Variants in MAEL observed in about 807,000 individuals in gnomAD.
MAEL encodes protein maelstrom homolog.
A neutral mutation model predicts 62.0 loss-of-function variants in MAEL; 46 were observed. The observed-to-expected ratio is 0.74, with a 90% CI of 0.59 to 0.95. The LOEUF (loss-of-function observed/expected upper bound fraction) is 0.95. MAEL is among the 40% of genes least tolerant of loss of function. The probability of loss-of-function intolerance (pLI) is 0.00; values close to 1 mark genes in which losing one functional copy is unlikely to be tolerated. For synonymous variants in MAEL, 172 were observed against 175.5 expected (o/e 0.98, Z 0.16); for missense variants, 497 against 526.8 (o/e 0.94, Z 0.55).
intron 8 of MAEL, among the ~76,000 whole-genome samples, chr1:167,014,604 G>C (rs1665302410): frequency 6.6e-6 from 1 of 152,156 alleles, no homozygotes; most frequent in Non-Finnish European, 1.5e-5. Flanking sequence ...TTTAAAAACT[G>C]TTAACTAATA....
At chr1:167,011,397 A>G (rs1665167927) in intron 8 of MAEL, among the ~76,000 whole-genome samples, 1 of 152,130 alleles carries the variant, frequency 6.6e-6, no homozygotes, top group South Asian at 2.1e-4. Flanking sequence ...TGATGTGTTA[A>G]GATATTTGGA....
intron 8 of MAEL, among the ~76,000 whole-genome samples, chr1:167,015,367 T>G (rs952928061): frequency 6.6e-6 from 1 of 152,312 alleles, no homozygotes; most frequent in East Asian, 1.9e-4. Context: ...TTAAGTAGTC[T>G]TCCATTCATC....
chr1:166,995,169 ATTTG>A (rs1664367855), intron 5 of MAEL, among the ~76,000 whole-genome samples: 1 of 151,910 alleles, frequency 6.6e-6, no homozygotes, highest in Non-Finnish European at 1.5e-5. Context: ...CTAATTCTTT[ATTTG>A]TTTGACTGGA....
chr1:166,984,506 T>C (rs1237667425), upstream of MAEL, among the ~76,000 whole-genome samples: 2 of 152,146 alleles, frequency 1.3e-5, no homozygotes, highest in African/African-American at 2.4e-5. Flanking sequence ...TTTTGAAATA[T>C]GTTGTACACA....
chr1:166,991,542 T>C, intron 3 of MAEL, 65 bp downstream of exon 3: 2 of 946,772 alleles, frequency 2.1e-6, no homozygotes, highest in East Asian at 4.8e-5. Context: ...TATTTGTCAG[T>C]AAAAATATTT....
chr1:166,998,487 C>G lies in MAEL; in HGVS notation c.523+4418C>G, dbSNP rs143168670. 3.1e-3 allele frequency among the ~76,000 whole-genome samples: 465 copies of G among 152,240 alleles called. 3 individuals carry two copies. Among genetic ancestry groups the G allele is most frequent in the African/African-American group, 0.011 (437 of 41,556 alleles). ...TTTTTAGCAGATTACTTAATCATAT[C>G]TGTTAAATCACTTTGTTCTTTCTAA... is the stretch of plus-strand genomic sequence containing the variant. On this transcript the variant is annotated intron_variant, in intron 5 of 11. Transcript: ENST00000367872.
At chr1:167,010,337 A>C (rs1665114783) in intron 8 of MAEL, among the ~76,000 whole-genome samples, 1 of 152,136 alleles carries the variant, frequency 6.6e-6, no homozygotes, top group Non-Finnish European at 1.5e-5. Flanking sequence ...GTGAGAACAG[A>C]CTAATACAGT....
intron 10 of MAEL, 82 bp downstream of exon 10, chr1:167,018,041 A>T: frequency 7.2e-7 from 1 of 1,396,238 alleles, no homozygotes; most frequent in East Asian, 2.4e-5. Flanking sequence ...ACAAAAGATC[A>T]GCCTTTGTTT....
chr1:166,987,157 C>A (rs900633224), upstream of MAEL, among the ~76,000 whole-genome samples: 8 of 152,084 alleles, frequency 5.3e-5, no homozygotes, highest in African/African-American at 1.9e-4. Flanking sequence ...TTTCTGACAA[C>A]CCAGAAGGTT....
intron 5 of MAEL, among the ~76,000 whole-genome samples, chr1:166,995,742 C>T (rs1165990723): frequency 6.6e-6 from 1 of 151,814 alleles, no homozygotes; most frequent in African/African-American, 2.4e-5. Context: ...TTTACTTAGA[C>T]TCTGTTTCAG....
At chr1:167,018,625 ATGT>A (rs1272650693) in intron 10 of MAEL, among the ~76,000 whole-genome samples, 7 of 152,208 alleles carry the variant, frequency 4.6e-5, no homozygotes, top group Non-Finnish European at 1.0e-4. Flanking sequence ...TAGATAATAA[ATGT>A]TGTTATTTTA....
rs140976712 is a variant in MAEL, at chr1:167,017,927, A to G, written c.1009A>G (p.Lys337Glu). 3.1e-6 allele frequency: 5 copies of G among 1,613,146 alleles called. No individual in the cohort carries two copies. The highest frequency in any genetic ancestry group is 4.2e-6 in the Non-Finnish European group (5 of 1,179,478). ...DYEASNSVTP[K>E]MVVLDAGRYQ... The stretch of plus-strand genomic sequence containing the variant: ...TGAGGCCAGCAATAGTGTGACACCC[A>G]AAATGGTTGTATTGGATGCAGGGCG... The change falls in exon 10 of 12, where the codon AAA becomes GAA. Residue 337 changes from lysine (K) to glutamate (E), a missense_variant. Lys to Glu is a moderately conservative substitution (Grantham distance 56). Transcript: ENST00000367872.
intron 5 of MAEL, among the ~76,000 whole-genome samples, chr1:167,002,488 A>G (rs1411753491): frequency 6.6e-6 from 1 of 152,186 alleles, no homozygotes; most frequent in African/African-American, 2.4e-5. Context: ...TCATATGTCT[A>G]GTTATTTTCG....
intron 1 of MAEL, among the ~76,000 whole-genome samples, chr1:166,977,861 G>A (rs1571228992): frequency 6.6e-6 from 1 of 152,322 alleles, no homozygotes; most frequent in Admixed American, 6.5e-5. Flanking sequence ...TAAGATGGGA[G>A]GACCACTTGA....
intron 1 of MAEL, among the ~76,000 whole-genome samples, chr1:166,977,570 G>T (rs754041099): frequency 2.0e-5 from 3 of 152,198 alleles, no homozygotes; most frequent in Non-Finnish European, 2.9e-5. Context: ...TGATATATTT[G>T]TATTATGCTG....
upstream of MAEL, among the ~76,000 whole-genome samples, chr1:166,988,144 T>C (rs1056061280): frequency 2.0e-5 from 3 of 151,802 alleles, no homozygotes; most frequent in Non-Finnish European, 2.9e-5. Context: ...AGCCCAGAAG[T>C]GTGAGACCAG....
intron 5 of MAEL, among the ~76,000 whole-genome samples, chr1:167,002,741 TCA>T (rs1476416357): frequency 6.6e-6 from 1 of 152,198 alleles, no homozygotes; most frequent in African/African-American, 2.4e-5. Flanking sequence ...ACAGTTGACT[TCA>T]CAGCATAAAC....
rs554075692 is a variant in MAEL, at chr1:166,981,657, C to T, written c.-121+5991C>T. 4.6e-5 allele frequency among the ~76,000 whole-genome samples: 7 copies of T among 152,224 alleles called. No homozygotes were observed. In the East Asian group the frequency reaches 9.6e-4, roughly 21 times the overall value. Reference sequence around the variant, plus strand: ...ATGAAAAGGTGACCCCTGAGCTAAGCTTTAACATCATCTGGACAGAATTTC... The same window carrying T: ...ATGAAAAGGTGACCCCTGAGCTAAGTTTTAACATCATCTGGACAGAATTTC... On this transcript the variant is annotated intron_variant, in intron 1 of 12. Coordinates refer to the MAEL transcript ENST00000622874.
chr1:167,021,814 TC>T lies in MAEL; in HGVS notation c.1267del (p.Gln423LysfsTer21). The T allele has an allele frequency of 6.2e-7, 1 of 1,610,992 alleles. No homozygotes were observed. Among genetic ancestry groups the T allele is most frequent in the Non-Finnish European group, 8.5e-7 (1 of 1,178,464 alleles). On this transcript the variant is annotated frameshift_variant, in exon 12 of 12. Coordinates refer to ENST00000367872, the MANE Select transcript of MAEL (RefSeq NM_032858.3). LOFTEE classifies it high-confidence loss of function. The part of the protein sequence containing the change: ...NCDTSLSPYM[S>X]QKDGYKSFSS... ...TGACACTTCACTCTCACCTTACATGTCCCAAAAAGATGGATACAAATCTTTC... is the reference window on the plus strand; with the variant it reads ...TGACACTTCACTCTCACCTTACATGTCCAAAAAGATGGATACAAATCTTTC...
Sources: allele counts gnomAD v4.1 joint callset (sites outside exome capture counted in the v4.1 genomes callset), GRCh38; gene constraint gnomAD v4.1.1; transcripts MANE v1.5; gene names NCBI Gene and HGNC (gene_info 2026-07-23, HGNC 2026-07-21).